BICC1: variants seen among roughly 807,000 people sequenced by gnomAD.
BICC1 encodes protein bicaudal C homolog 1.
BICC1 carries 43 observed loss-of-function variants against 111.0 expected under a neutral mutation model. The ratio of observed to expected loss-of-function variants is 0.39; its 90% CI spans 0.30 to 0.50. The LOEUF (loss-of-function observed/expected upper bound fraction) is 0.50. Among genes scored for constraint, BICC1 ranks in the 20% least tolerant of loss-of-function variants. The probability of loss-of-function intolerance (pLI) is 0.88; values close to 1 mark genes in which losing one functional copy is unlikely to be tolerated. For synonymous variants in BICC1, 467 were observed against 434.4 expected (o/e 1.07, Z -0.93); for missense variants, 1,091 against 1,203.2 (o/e 0.91, Z 1.38).
At chr10:58,793,866 A>G (rs1843261188) in intron 9 of BICC1, among the ~76,000 whole-genome samples, 1 of 152,090 alleles carries the variant, frequency 6.6e-6, no homozygotes, top group Non-Finnish European at 1.5e-5. Flanking sequence ...AGATATTCCC[A>G]AATCCCCCAA....
intron 1 of BICC1, among the ~76,000 whole-genome samples, chr10:58,513,938 G>A (rs572682580): frequency 6.6e-6 from 1 of 152,304 alleles, no homozygotes; most frequent in East Asian, 1.9e-4. Flanking sequence ...CTGTGTTTGA[G>A]GACAGTGTTC....
At chr10:58,539,405 G>A (rs140405654) in intron 1 of BICC1, among the ~76,000 whole-genome samples, 22 of 151,690 alleles carry the variant, frequency 1.5e-4, no homozygotes, top group African/African-American at 4.8e-4. Flanking sequence ...AAGCAGGAGA[G>A]AGGTGAGAGA....
rs1844494624 is a variant in BICC1 at position 58,829,326 on chromosome 10, A to G, written c.*435A>G. 1 of 151,882 alleles carries G rather than the reference A, an allele frequency of 6.6e-6. No individual in the cohort carries two copies. The highest frequency in any genetic ancestry group is 2.4e-5 in the African/African-American group (1 of 41,208). The allele number at this position is 151,882 out of a possible 1,614,324, so 9.4% of individuals were successfully genotyped here. ...ATTTGGGGATTTTTAAAAAATAATC[A>G]AAGTGGAATTTTCTGGTACTGCTTT... On this transcript the variant is annotated 3_prime_UTR_variant, in exon 21 of 21. Transcript: ENST00000373886.
intron 2 of BICC1, among the ~76,000 whole-genome samples, chr10:58,688,302 G>GT (rs1445898103): frequency 6.6e-6 from 1 of 152,098 alleles, no homozygotes; most frequent in Non-Finnish European, 1.5e-5. Context: ...TCATTGGGCT[G>GT]TTTTACAGAG....
At position 58,823,158 on chromosome 10, in the gene BICC1, G is replaced by A. The variant is rs534647242; in HGVS notation, c.2794+2690G>A. Reference sequence around the variant, plus strand: ...CAGGGACTCAGTGAAAGGACGCTTAGCATCCTGTTGACAGGCTTCCCACCA... The same window carrying A: ...CAGGGACTCAGTGAAAGGACGCTTAACATCCTGTTGACAGGCTTCCCACCA... On this transcript the variant is annotated intron_variant, in intron 20 of 20. Coordinates refer to ENST00000373886, the MANE Select transcript of BICC1 (RefSeq NM_001080512.3). The A allele has an allele frequency of 3.3e-4, 277 of 850,944 alleles. 1 individual carries two copies. In the African/African-American group the frequency reaches 4.9e-3, roughly 15 times the overall value. The allele number at this position is 850,944 out of a possible 1,614,324, so 52.7% of individuals were successfully genotyped here. A position where few individuals can be genotyped will look rare whatever the true frequency, so the allele number is the denominator to read the frequency against.
At chr10:58,592,617 A>T (rs1388723294) in intron 1 of BICC1, among the ~76,000 whole-genome samples, 1 of 151,766 alleles carries the variant, frequency 6.6e-6, no homozygotes, top group Non-Finnish European at 1.5e-5. Flanking sequence ...TGGGAGGCTG[A>T]GGCAGGAGAA....
intron 10 of BICC1, among the ~76,000 whole-genome samples, chr10:58,797,174 G>A (rs1373281955): frequency 6.6e-6 from 1 of 152,170 alleles, no homozygotes; most frequent in Non-Finnish European, 1.5e-5. Context: ...TTTATAGGCT[G>A]AAGTTAATTG....
chr10:58,657,820 T>C (rs1190813736), intron 2 of BICC1, among the ~76,000 whole-genome samples: 1 of 151,988 alleles, frequency 6.6e-6, no homozygotes, highest in African/African-American at 2.4e-5. Flanking sequence ...TTTTTTTTCT[T>C]CTTGCTGCAT....
chr10:58,576,155 G>C (rs1297189897), intron 1 of BICC1, among the ~76,000 whole-genome samples: 1 of 152,080 alleles, frequency 6.6e-6, no homozygotes, highest in African/African-American at 2.4e-5. Flanking sequence ...GCCCTCCATG[G>C]AGGTCAAAGC....
intron 3 of BICC1, among the ~76,000 whole-genome samples, chr10:58,773,572 A>C (rs1462650190): frequency 6.6e-6 from 1 of 152,226 alleles, no homozygotes; most frequent in Non-Finnish European, 1.5e-5. Context: ...CCAGTGAAAA[A>C]GGAAACTGCC....
At chr10:58,769,803 A>G (rs1002421507) in intron 3 of BICC1, among the ~76,000 whole-genome samples, 4 of 152,038 alleles carry the variant, frequency 2.6e-5, no homozygotes, top group Non-Finnish European at 5.9e-5. Flanking sequence ...ATATTTTACC[A>G]GCTAGGGAGC....
At chr10:58,711,264 C>T (rs1191926628) in intron 3 of BICC1, among the ~76,000 whole-genome samples, 1 of 152,212 alleles carries the variant, frequency 6.6e-6, no homozygotes, top group Admixed American at 6.5e-5. Context: ...ATGCAATGTA[C>T]CAATAGTCAC....
At chr10:58,638,109 A>G (rs1445030575) in intron 2 of BICC1, among the ~76,000 whole-genome samples, 2 of 152,254 alleles carry the variant, frequency 1.3e-5, no homozygotes, top group East Asian at 1.9e-4. Flanking sequence ...AAAGAATGTA[A>G]TTTTAACTAA....
intron 1 of BICC1, among the ~76,000 whole-genome samples, chr10:58,601,958 T>A (rs978333023): frequency 2.6e-5 from 4 of 152,124 alleles, no homozygotes; most frequent in Non-Finnish European, 5.9e-5. Context: ...TATTTCAGGA[T>A]AGGTGTCTCA....
chr10:58,513,015 C>A lies in BICC1; in HGVS notation c.-129C>A. On this transcript the variant is annotated 5_prime_UTR_variant, in exon 1 of 21. Transcript: ENST00000373886. ...GTGGCGGCGGCGGCGTTGGCGGTGG[C>A]GTCGGCGGCTGCAGGGGGACGAGCT... is the stretch of plus-strand genomic sequence containing the variant. The A allele has an allele frequency of 1.7e-6, 1 of 586,790 alleles. No individual in the cohort carries two copies. The highest frequency in any genetic ancestry group is 2.3e-6 in the Non-Finnish European group (1 of 430,706). The allele number at this position is 586,790 out of a possible 1,614,324, so 36.3% of individuals were successfully genotyped here.
intron 1 of BICC1, among the ~76,000 whole-genome samples, chr10:58,601,158 ATATATATATATATCT>A (rs1845020846): frequency 1.4e-5 from 2 of 138,558 alleles, no homozygotes; most frequent in African/African-American, 5.2e-5. Flanking sequence ...ATATATATAT[ATATATATATATATCT>A]CCCAATAAAA....
At chr10:58,810,923 G>A (rs1024072680) in intron 17 of BICC1, among the ~76,000 whole-genome samples, 2 of 152,108 alleles carry the variant, frequency 1.3e-5, no homozygotes, top group African/African-American at 2.4e-5. Context: ...CTGCTCACTC[G>A]GTGTGCCAGG....
At chr10:58,598,523 C>T (rs1844910009) in intron 1 of BICC1, among the ~76,000 whole-genome samples, 1 of 152,106 alleles carries the variant, frequency 6.6e-6, no homozygotes, top group Non-Finnish European at 1.5e-5. Context: ...GGGTCAGAGA[C>T]TTAACTGTAA....
At chr10:58,633,463 C>G (rs1201757721) in intron 2 of BICC1, among the ~76,000 whole-genome samples, 6 of 152,100 alleles carry the variant, frequency 3.9e-5, no homozygotes, top group Non-Finnish European at 8.8e-5. Flanking sequence ...TACTTTTTTC[C>G]ACTACCTTCC....
Sources: allele counts gnomAD v4.1 joint callset (sites outside exome capture counted in the v4.1 genomes callset), GRCh38; gene constraint gnomAD v4.1.1; transcripts MANE v1.5; gene names NCBI Gene and HGNC (gene_info 2026-07-23, HGNC 2026-07-21).